Variants in ULK4 observed in about 807,000 individuals in gnomAD.
ULK4 encodes the protein unc-51 like kinase 4, also known as inactive serine/threonine-protein kinase ULK4.
ULK4 carries 133 observed loss-of-function variants against 160.6 expected under a neutral mutation model. The ratio of observed to expected loss-of-function variants is 0.83; its 90% CI spans 0.72 to 0.96. The LOEUF (loss-of-function observed/expected upper bound fraction) is 0.96, where lower values mean the gene tolerates loss of function less well. Among genes scored for constraint, ULK4 ranks in the 40% least tolerant of loss-of-function variants. The pLI is 0.00. For missense variants in ULK4, 1,580 were observed against 1,499.5 expected, an observed-to-expected ratio of 1.05 and a Z score of -0.89; for synonymous variants, 534 against 539.8, an observed-to-expected ratio of 0.99 and a Z score of 0.15.
chr3:41,525,640 C>G (rs1411379913), intron 32 of ULK4, among the ~76,000 whole-genome samples: 2 of 152,216 alleles, frequency 1.3e-5, no homozygotes, highest in African/African-American at 4.8e-5. Context: ...GCAGGAGCAT[C>G]AAATACTCCT....
rs1474986568 is a variant in ULK4, at chr3:41,775,262, T to C, written c.2193+14399A>G. On this transcript the variant is annotated intron_variant, in intron 21 of 36. Transcript: ENST00000301831. Reference sequence around the variant, plus strand: ...AAAAGAAATATAAAGATTTATATTTTTAAATAATTGTATTTTACCTATCCA... The same window carrying C: ...AAAAGAAATATAAAGATTTATATTTCTAAATAATTGTATTTTACCTATCCA... Among the ~76,000 whole-genome samples, 4 of 150,664 alleles carry C rather than the reference T, an allele frequency of 2.7e-5. No individual in the cohort carries two copies. In the East Asian group the frequency reaches 5.8e-4, roughly 22 times the overall value.
chr3:41,439,564 A>G (rs1429633821), intron 34 of ULK4, among the ~76,000 whole-genome samples: 4 of 152,228 alleles, frequency 2.6e-5, no homozygotes, highest in Admixed American at 2.6e-4. Flanking sequence ...AACAATCAAG[A>G]CAGTGAACAT....
chr3:41,326,618 A>G (rs1415226263), intron 35 of ULK4, among the ~76,000 whole-genome samples: 1 of 152,180 alleles, frequency 6.6e-6, no homozygotes, highest in East Asian at 1.9e-4. Context: ...TGAATAAAAG[A>G]AAAAGGTTAC....
intron 31 of ULK4, among the ~76,000 whole-genome samples, chr3:41,569,487 T>C (rs1372956371): frequency 6.6e-6 from 1 of 152,116 alleles, no homozygotes; most frequent in Non-Finnish European, 1.5e-5. Context: ...CACAGTATCA[T>C]ACCAGTGGAC....
chr3:41,831,531 A>ATATATATATTTT, intron 18 of ULK4, among the ~76,000 whole-genome samples: 2 of 138,066 alleles, frequency 1.4e-5, no homozygotes, highest in African/African-American at 2.8e-5. Context: ...ATATATATAT[A>ATATATATATTTT]TTTTTTTTTC....
intron 32 of ULK4, among the ~76,000 whole-genome samples, chr3:41,562,231 T>C (rs983331908): frequency 6.6e-6 from 1 of 152,224 alleles, no homozygotes; most frequent in Non-Finnish European, 1.5e-5. Context: ...AGAGACAGTT[T>C]ACTGTGATTT....
intron 30 of ULK4, among the ~76,000 whole-genome samples, chr3:41,647,250 T>A (rs1183207743): frequency 6.6e-6 from 1 of 152,240 alleles, no homozygotes. Context: ...CTGCATTCCT[T>A]TGGAGGAGGA....
At chr3:41,417,395 T>C (rs1055279896) in intron 34 of ULK4, among the ~76,000 whole-genome samples, 1 of 152,082 alleles carries the variant, frequency 6.6e-6, no homozygotes, top group South Asian at 2.1e-4. Flanking sequence ...CTGAAACACC[T>C]GAAAGAGGGA....
rs78573932 is a variant in ULK4 at position 41,386,208 on chromosome 3, A to T, written c.3678+11871T>A. ...TTTAGCTATTATCTCAATATTGATA[A>T]CTCTTATATATACATATTCCTTTTT... On this transcript the variant is annotated intron_variant, in intron 35 of 36. Coordinates refer to ENST00000301831, the MANE Select transcript of ULK4 (RefSeq NM_017886.4). 4.2e-3 allele frequency among the ~76,000 whole-genome samples: 633 copies of T among 152,160 alleles called. 2 individuals carry two copies. The highest frequency in any genetic ancestry group is 0.015 in the African/African-American group (605 of 41,516).
chr3:41,919,664 TA>T, intron 6 of ULK4, 52 bp downstream of exon 6: 1 of 1,461,018 alleles, frequency 6.8e-7, no homozygotes. Flanking sequence ...AGTACAGACT[TA>T]ACCTGGTTTT....
intron 17 of ULK4, among the ~76,000 whole-genome samples, chr3:41,858,249 T>G: frequency 6.7e-6 from 1 of 148,530 alleles, no homozygotes; most frequent in South Asian, 2.1e-4. Flanking sequence ...CCACCCAGGT[T>G]CAAGAAATTC....
intron 12 of ULK4, among the ~76,000 whole-genome samples, chr3:41,907,442 G>A (rs1379033775): frequency 6.6e-6 from 1 of 151,868 alleles, no homozygotes; most frequent in Non-Finnish European, 1.5e-5. Context: ...GGCTACAGGT[G>A]TGCACCACCA....
At position 41,820,669 on chromosome 3, in the gene ULK4, T is replaced by C. The variant is rs563182600; in HGVS notation, c.1765-1163A>G. On this transcript the variant is annotated intron_variant, in intron 18 of 36. Coordinates refer to ENST00000301831, the MANE Select transcript of ULK4 (RefSeq NM_017886.4). ...GGAGTAAGGGCTGAAAAACTGCATATTGACTACTATGTTCACTACCTGGGA... is the reference window on the plus strand; with the variant it reads ...GGAGTAAGGGCTGAAAAACTGCATACTGACTACTATGTTCACTACCTGGGA... 2.4e-4 allele frequency among the ~76,000 whole-genome samples: 36 copies of C among 152,236 alleles called. No homozygotes were observed. The South Asian group carries it at 6.6e-3, about 28-fold the overall frequency.
chr3:41,517,644 GAA>G (rs2085794370), intron 32 of ULK4, among the ~76,000 whole-genome samples: 1 of 152,172 alleles, frequency 6.6e-6, no homozygotes, highest in Non-Finnish European at 1.5e-5. Context: ...TATTTTTAAA[GAA>G]AGAATATCTA....
intron 22 of ULK4, among the ~76,000 whole-genome samples, chr3:41,750,247 TAACAAC>T (rs966416375): frequency 2.0e-5 from 3 of 152,202 alleles, no homozygotes; most frequent in Admixed American, 6.5e-5. Context: ...AAAGACAAGG[TAACAAC>T]ATTCATCTGC....
chr3:41,754,341 A>C lies in ULK4; in HGVS notation c.2321+20T>G, dbSNP rs768413289. 1.9e-6 allele frequency: 3 copies of C among 1,605,406 alleles called. No homozygotes were observed. The highest frequency in any genetic ancestry group is 2.5e-6 in the Non-Finnish European group (3 of 1,176,838). On this transcript the variant is annotated intron_variant, in intron 22 of 36. Transcript: ENST00000301831. Reference sequence around the variant, plus strand: ...GCACTAAATTGAAGTTACTGATGAAACCATCAGAGAAAATCTTACCTTGCT... The same window carrying C: ...GCACTAAATTGAAGTTACTGATGAACCCATCAGAGAAAATCTTACCTTGCT...
At chr3:41,670,681 T>C (rs1445456497) in intron 29 of ULK4, among the ~76,000 whole-genome samples, 1 of 152,048 alleles carries the variant, frequency 6.6e-6, no homozygotes, top group Non-Finnish European at 1.5e-5. Flanking sequence ...AAAATAAGTG[T>C]TAAATATAAT....
Position 41,911,649 on chromosome 3 carries a change from T to C in ULK4, c.907A>G (p.Met303Val), listed in dbSNP as rs766473119. The C allele has an allele frequency of 1.2e-5, 20 of 1,611,542 alleles. No homozygotes were observed. Among genetic ancestry groups the C allele is most frequent in the Middle Eastern group, 3.3e-4 (2 of 6,084 alleles). ...VEDLSLSRNT[M>V]ECSGPQDSKE... ...GAATCTTGTGGCCCAGAACACTCCA[T>C]AGTGTTTCTGCTATTATTGGAGAAA... The change falls in exon 10 of 37, where the codon ATG (methionine) becomes GTG (valine). Residue 303 changes from methionine to valine, a missense_variant. Met to Val is a conservative substitution (Grantham distance 21, BLOSUM62 1). Coordinates refer to ENST00000301831, the MANE Select transcript of ULK4 (RefSeq NM_017886.4).
intron 35 of ULK4, among the ~76,000 whole-genome samples, chr3:41,289,667 G>A (rs1398323916): frequency 2.0e-5 from 3 of 152,124 alleles, no homozygotes; most frequent in Admixed American, 1.3e-4. Flanking sequence ...GAGGAATCTC[G>A]GGGCCTATTC....
Sources: gnomAD v4.1 joint callset for allele counts (sites outside exome capture counted in the v4.1 genomes callset) on GRCh38, gnomAD v4.1.1 for gene constraint, MANE v1.5 for transcripts, NCBI Gene and HGNC (gene_info 2026-07-23, HGNC 2026-07-21) for gene names.